MLH3: variants seen among roughly 807,000 people sequenced by gnomAD.
MLH3 encodes DNA mismatch repair protein Mlh3.
MLH3 carries 82 observed loss-of-function variants against 122.2 expected under a neutral mutation model. The ratio of observed to expected loss-of-function variants is 0.67; its 90% CI spans 0.56 to 0.81. The LOEUF is 0.81. Ranked by LOEUF, MLH3 falls within the 30% of genes least tolerant of loss-of-function variation. MLH3 has a pLI of 0.00. For synonymous variants in MLH3, 524 were observed against 599.5 expected, an observed-to-expected ratio of 0.87 and a Z score of 1.84; for missense variants, 1,539 against 1,714.5, an observed-to-expected ratio of 0.90 and a Z score of 1.81.
In MLH3 at chr14:75,041,676, C is replaced by A. The variant is rs1595073793; in HGVS notation, c.3404G>T (p.Ser1135Ile). 6.2e-7 allele frequency: 1 copy of A among 1,613,952 alleles called. No individual in the cohort carries two copies. The highest frequency in any genetic ancestry group is 8.5e-7 in the Non-Finnish European group (1 of 1,179,854). ...NRDTVDDTVSSESLQSLFSEW... is the reference protein window; with the variant it reads ...NRDTVDDTVSIESLQSLFSEW... The stretch of plus-strand genomic sequence containing the variant: ...TGAGAACAAAGACTGAAGCGATTCG[C>A]TACTAACAGTATCATCCACAGTATC... The change falls in exon 4 of 13, where the codon AGC becomes ATC. Residue 1135 changes from serine (S) to isoleucine (I), a missense_variant. Transcript: ENST00000355774.
chr14:75,024,681 A>T (rs993335937), intron 9 of MLH3, among the ~76,000 whole-genome samples: 2 of 152,156 alleles, frequency 1.3e-5, no homozygotes, highest in African/African-American at 4.8e-5. Context: ...CTACCTCCTC[A>T]AAACACCAAA....
At chr14:75,018,768 G>T in intron 12 of MLH3, 61 bp downstream of exon 12, 1 of 1,577,194 alleles carries the variant, frequency 6.3e-7, no homozygotes, top group Non-Finnish European at 8.7e-7. Context: ...CATAGTAAAA[G>T]CCAGAAAAGA....
Position 75,048,341 on chromosome 14 carries a change from A to G in MLH3, c.1315T>C (p.Phe439Leu). Residue 439 changes from phenylalanine to leucine, a missense_variant, in exon 2 of 13, where the codon TTT becomes CTT. Transcript: ENST00000355774. ...CCACCTGATTCATAAATGTACAAAA[A>G]TGCATCATTTGTATTTTTTCTGGTA... ...EATRKNTNDA[F>L]LYIYESGGPG... 6.2e-7 allele frequency: 1 copy of G among 1,613,960 alleles called. No individual in the cohort carries two copies. The highest frequency in any genetic ancestry group is 8.5e-7 in the Non-Finnish European group (1 of 1,179,986).
intron 9 of MLH3, 126 bp from the exon 10 acceptor site, chr14:75,023,144 C>T: frequency 9.5e-7 from 1 of 1,057,262 alleles, no homozygotes; most frequent in Non-Finnish European, 1.5e-6. Context: ...TCCAGCAATA[C>T]AGCACTTGGG....
Position 75,046,536 on chromosome 14 carries a change from A to C in MLH3, c.3120T>G (p.Cys1040Trp). ...ACSETEESNTCCSDWQRHFDV... is the reference protein window; with the variant it reads ...ACSETEESNTWCSDWQRHFDV... ...CGAAATGCCGCTGCCAATCTGAACA[A>C]CACGTGTTTGACTCTTCAGTTTCAG... Residue 1040 changes from cysteine (C) to tryptophan (W), a missense_variant, in exon 2 of 13, where the codon TGT (cysteine) becomes TGG (tryptophan). Coordinates refer to ENST00000355774, the MANE Select transcript of MLH3 (RefSeq NM_001040108.2). 6.2e-7 allele frequency: 1 copy of C among 1,614,182 alleles called. No individual in the cohort carries two copies.
Position 75,016,357 on chromosome 14 carries a change from A to G in MLH3, c.*725T>C. 5.1e-6 allele frequency: 1 copy of G among 194,840 alleles called. No homozygotes were observed. The highest frequency in any genetic ancestry group is 1.1e-5 in the Non-Finnish European group (1 of 93,680). The allele number at this position is 194,840 out of a possible 1,614,324, so 12.1% of individuals were successfully genotyped here. On this transcript the variant is annotated 3_prime_UTR_variant, in exon 13 of 13. Coordinates refer to ENST00000355774, the MANE Select transcript of MLH3 (RefSeq NM_001040108.2). ...AAATCATATTTTAAAAAACAAGCTC[A>G]TAGTATTTTCACCATTTTACTGGTT...
rs758562185 is a variant in MLH3, at chr14:75,047,676, G to A, written c.1980C>T (p.Ser660=). 1 of 1,613,978 alleles carries A rather than the reference G, an allele frequency of 6.2e-7. No individual in the cohort carries two copies. The highest frequency in any genetic ancestry group is 1.1e-5 in the South Asian group (1 of 91,040). The change falls in exon 2 of 13, where the codon AGC becomes AGT. Residue 660 remains serine (S), a synonymous_variant. Transcript: ENST00000355774. ...ATTGACCAGATTCTTTACTTAAAGT[G>A]CTGGCTAAATCTTTGATGTCTGGAG... is the stretch of plus-strand genomic sequence containing the variant. The part of the protein sequence containing the change: ...VETPDIKDLA[S]TLSKESGQLP...
intron 1 of MLH3, among the ~76,000 whole-genome samples, chr14:75,050,002 A>T (rs1892559204): frequency 6.6e-6 from 1 of 152,374 alleles, no homozygotes; most frequent in South Asian, 2.1e-4. Flanking sequence ...CAGTAAACAC[A>T]GTATTCGAAA....
chr14:75,048,326 C>G lies in MLH3; in HGVS notation c.1330G>C (p.Glu444Gln), dbSNP rs760258078. The G allele has an allele frequency of 4.3e-6, 7 of 1,613,930 alleles. No homozygotes were observed. In the African/African-American group the frequency reaches 5.3e-5, roughly 12 times the overall value. ...NTNDAFLYIYESGGPGHSKMT... is the reference protein window; with the variant it reads ...NTNDAFLYIYQSGGPGHSKMT... Reference sequence around the variant, plus strand: ...TTGCTATGGCCTGGACCACCTGATTCATAAATGTACAAAAATGCATCATTT... The same window carrying G: ...TTGCTATGGCCTGGACCACCTGATTGATAAATGTACAAAAATGCATCATTT... Residue 444 changes from glutamate to glutamine, a missense_variant, in exon 2 of 13, where the codon GAA becomes CAA. Transcript: ENST00000355774.
chr14:75,037,448 C>T (rs1214251231), intron 6 of MLH3, among the ~76,000 whole-genome samples: 2 of 151,646 alleles, frequency 1.3e-5, no homozygotes, highest in Non-Finnish European at 1.5e-5. Flanking sequence ...GGGCCTGGTA[C>T]AGTCCCTGGC....
rs377022215 is a variant in MLH3, at chr14:75,039,942, C to T, written c.3539G>A (p.Arg1180His). Residue 1180 changes from arginine to histidine, a missense_variant, in exon 5 of 13, where the codon CGT becomes CAT. By Grantham distance (29) the Arg-to-His change is conservative (BLOSUM62 0). Coordinates refer to ENST00000355774, the MANE Select transcript of MLH3 (RefSeq NM_001040108.2). The stretch of plus-strand genomic sequence containing the variant: ...TGAATGAATCATTCCTTTGGTGAAA[C>T]GATAGGGATACAAGATGTTGTGAAT... ...VKIHNILYPY[R>H]FTKGMIHSMQ... 148 of 1,571,810 alleles carry T rather than the reference C, an allele frequency of 9.4e-5. No individual in the cohort carries two copies. Among genetic ancestry groups the T allele is most frequent in the Middle Eastern group, 1.7e-4 (1 of 5,964 alleles).
At chr14:75,051,188 C>T (rs909982857) in intron 1 of MLH3, among the ~76,000 whole-genome samples, 192 bp downstream of exon 1, 10 of 152,198 alleles carry the variant, frequency 6.6e-5, no homozygotes, top group Non-Finnish European at 1.5e-5. Flanking sequence ...TGCCTTCCCG[C>T]CAGGCCCAGC....
rs1566611434 is a variant in MLH3, at chr14:75,049,665, A to C, written c.-10T>G. ...ACAAGCACTTGATCATGGTAGGTAGAAAGATGGTGAGAATGCCAGGCACTG... is the reference window on the plus strand; with the variant it reads ...ACAAGCACTTGATCATGGTAGGTAGCAAGATGGTGAGAATGCCAGGCACTG... On this transcript the variant is annotated 5_prime_UTR_variant, in exon 2 of 13. Coordinates refer to ENST00000355774, the MANE Select transcript of MLH3 (RefSeq NM_001040108.2). The C allele has an allele frequency of 1.2e-6, 2 of 1,612,638 alleles. No individual in the cohort carries two copies. The highest frequency in any genetic ancestry group is 2.7e-5 in the African/African-American group (2 of 74,920).
intron 5 of MLH3, among the ~76,000 whole-genome samples, chr14:75,039,606 C>T (rs1891666452): frequency 6.6e-6 from 1 of 151,938 alleles, no homozygotes; most frequent in South Asian, 2.1e-4. Flanking sequence ...AATATATAAT[C>T]TTCTGCAGGA....
intron 2 of MLH3, among the ~76,000 whole-genome samples, chr14:75,045,735 A>G (rs1892160496): frequency 6.6e-6 from 1 of 152,170 alleles, no homozygotes; most frequent in Admixed American, 6.5e-5. Context: ...CCAACTATTA[A>G]TAGTATCATT....
rs773131251 is a variant in MLH3 at position 75,047,741 on chromosome 14, G to T, written c.1915C>A (p.Gln639Lys). The change falls in exon 2 of 13, where the codon CAA (glutamine) becomes AAA (lysine). Residue 639 changes from glutamine (Q) to lysine (K), a missense_variant. Coordinates refer to ENST00000355774, the MANE Select transcript of MLH3 (RefSeq NM_001040108.2). Reference sequence around the variant, plus strand: ...CGTGTTCTATTTCCAAATGTTTCTTGGGCACGTGTGGGACCAGGTCTAACA... The same window carrying T: ...CGTGTTCTATTTCCAAATGTTTCTTTGGCACGTGTGGGACCAGGTCTAACA... The part of the protein sequence containing the change: ...NYVRPGPTRA[Q>K]ETFGNRTRHS... The T allele has an allele frequency of 8.1e-6, 13 of 1,613,934 alleles. No individual in the cohort carries two copies. The East Asian group carries it at 2.7e-4, about 33-fold the overall frequency.
chr14:75,033,346 T>C, intron 7 of MLH3, 73 bp downstream of exon 7: 1 of 1,182,828 alleles, frequency 8.5e-7, no homozygotes, highest in South Asian at 1.2e-5. Context: ...CAGTTGCAGT[T>C]AGAAAAGCTC....
At chr14:75,028,888 C>T (rs1321200684) in intron 9 of MLH3, among the ~76,000 whole-genome samples, 1 of 151,022 alleles carries the variant, frequency 6.6e-6, no homozygotes, top group African/African-American at 2.4e-5. Context: ...GTGGCTCATG[C>T]CTGTAATCCC....
chr14:75,038,230 C>T, intron 6 of MLH3, 110 bp downstream of exon 6: 1 of 816,624 alleles, frequency 1.2e-6, no homozygotes, highest in South Asian at 1.4e-5. Context: ...GATTGGCTTT[C>T]CCTAATCCAT....
Sources: gnomAD v4.1 joint callset for allele counts (sites outside exome capture counted in the v4.1 genomes callset) on GRCh38, gnomAD v4.1.1 for gene constraint, MANE v1.5 for transcripts, NCBI Gene and HGNC (gene_info 2026-07-23, HGNC 2026-07-21) for gene names.